NEBL: variants seen among roughly 807,000 people sequenced by gnomAD.
NEBL encodes nebulette, also known as LIM and SH3 protein 2.
In NEBL, 122 loss-of-function variants were observed where a neutral mutation model predicts 140.2. That is an observed-to-expected ratio of 0.87 (90% CI 0.75 to 1.01). The LOEUF (loss-of-function observed/expected upper bound fraction) is 1.01, where lower values mean the gene tolerates loss of function less well. Ranked by LOEUF, NEBL falls within the 50% of genes least tolerant of loss-of-function variation. The pLI is 0.00. For missense variants in NEBL, 1,365 were observed against 1,231.3 expected (o/e 1.11, Z -1.62); for synonymous variants, 436 against 398.9 (o/e 1.09, Z -1.11).
rs553279950 is a variant in NEBL, at chr10:21,112,965, C to T, written c.164+59418G>A. Reference sequence around the variant, plus strand: ...AAGTGTAACTGGAAAGTGATCTGCCCCTGGAAGTGGTAACAAGTTTCCACA... The same window carrying T: ...AAGTGTAACTGGAAAGTGATCTGCCTCTGGAAGTGGTAACAAGTTTCCACA... On this transcript the variant is annotated intron_variant, in intron 2 of 6. Coordinates refer to the NEBL transcript ENST00000417816. 2.3e-3 allele frequency: 772 copies of T among 334,838 alleles called. 7 individuals carry two copies. Among genetic ancestry groups the T allele is most frequent in the Non-Finnish European group, 3.9e-3 (702 of 177,786 alleles). The allele number at this position is 334,838 out of a possible 1,614,324, so 20.7% of individuals were successfully genotyped here.
chr10:20,979,408 T>C (rs1836939081), intron 3 of NEBL, among the ~76,000 whole-genome samples: 1 of 152,180 alleles, frequency 6.6e-6, no homozygotes. Flanking sequence ...AAAGAGAAGA[T>C]GCAAAAGGTG....
chr10:21,204,316 G>A (rs1338849478), intron 3 of NEBL, among the ~76,000 whole-genome samples: 5 of 152,154 alleles, frequency 3.3e-5, no homozygotes, highest in African/African-American at 7.2e-5. Flanking sequence ...CCAGTGTGAC[G>A]GTATTTGGAG....
rs150993774 is a variant in NEBL, at chr10:21,288,295, C to A, written n.182+4535G>T. Among the ~76,000 whole-genome samples the A allele has an allele frequency of 8.2e-3, 1,252 of 151,962 alleles. 21 individuals are homozygous for A. Among genetic ancestry groups the A allele is most frequent in the African/African-American group, 0.029 (1,207 of 41,442 alleles). ...CCAGCCTGGCCAACATAATGAAACC[C>A]TGTCTCTACTAAAACTATGAAAATT... On this transcript the variant is annotated intron_variant and non_coding_transcript_variant, in intron 1 of 8. Transcript: ENST00000675702.
chr10:21,037,650 A>G (rs1834070138), intron 2 of NEBL, among the ~76,000 whole-genome samples: 1 of 152,104 alleles, frequency 6.6e-6, no homozygotes, highest in East Asian at 1.9e-4. Context: ...GTTTGTCAAA[A>G]CTCATAGAAT....
intron 26 of NEBL, among the ~76,000 whole-genome samples, chr10:20,801,174 T>G (rs1837086976): frequency 6.6e-6 from 1 of 151,718 alleles, no homozygotes; most frequent in Admixed American, 6.6e-5. Flanking sequence ...TACTTGGCTA[T>G]CTCTCTCTCT....
At chr10:20,954,720 A>G (rs1357915596) in intron 4 of NEBL, among the ~76,000 whole-genome samples, 1 of 151,994 alleles carries the variant, frequency 6.6e-6, no homozygotes, top group Non-Finnish European at 1.5e-5. Context: ...CCCCACCACC[A>G]CCCCGCCCCC....
chr10:20,823,092 C>T (rs185666403), intron 19 of NEBL, 116 bp downstream of exon 19: 182 of 744,376 alleles, frequency 2.4e-4, no homozygotes, highest in Middle Eastern at 7.9e-4. Flanking sequence ...TTTAAGGAAC[C>T]GATCCTCTCG....
chr10:20,888,495 C>T (rs1943933885), intron 3 of NEBL, among the ~76,000 whole-genome samples: 1 of 152,190 alleles, frequency 6.6e-6, no homozygotes, highest in Admixed American at 6.6e-5. Context: ...TGTATATTGA[C>T]AGTTTCATGC....
intron 3 of NEBL, among the ~76,000 whole-genome samples, chr10:21,202,523 G>C (rs796938508): frequency 2.0e-5 from 3 of 146,672 alleles, no homozygotes; most frequent in African/African-American, 7.7e-5. Flanking sequence ...GAGTGCAGTG[G>C]CGTGATCTCA....
At chr10:21,020,379 C>T (rs1398442098) in intron 2 of NEBL, among the ~76,000 whole-genome samples, 1 of 152,126 alleles carries the variant, frequency 6.6e-6, no homozygotes, top group Non-Finnish European at 1.5e-5. Flanking sequence ...ATTCTCATGG[C>T]TCTGTCGCCC....
At chr10:21,278,782 C>G (rs1474455285) in intron 1 of NEBL, among the ~76,000 whole-genome samples, 1 of 152,162 alleles carries the variant, frequency 6.6e-6, no homozygotes, top group Non-Finnish European at 1.5e-5. Context: ...TCGGTGAGAT[C>G]TGCCCCTGAG....
chr10:21,005,279 A>G (rs770253817), intron 3 of NEBL, among the ~76,000 whole-genome samples: 1 of 152,256 alleles, frequency 6.6e-6, no homozygotes, highest in Non-Finnish European at 1.5e-5. Context: ...CTTTAGAGCA[A>G]TAAGTCACAG....
At chr10:21,095,462 T>A (rs937263821) in intron 2 of NEBL, among the ~76,000 whole-genome samples, 8 of 152,186 alleles carry the variant, frequency 5.3e-5, no homozygotes, top group Admixed American at 3.9e-4. Context: ...AAATGCTGAG[T>A]TAAGGGTGTT....
chr10:21,037,036 C>T (rs1834043122), intron 2 of NEBL, among the ~76,000 whole-genome samples: 1 of 152,182 alleles, frequency 6.6e-6, no homozygotes. Flanking sequence ...GTTGACACCC[C>T]TGGCCACGCA....
intron 3 of NEBL, among the ~76,000 whole-genome samples, chr10:21,226,025 A>C (rs1195818096): frequency 6.6e-6 from 1 of 152,078 alleles, no homozygotes; most frequent in African/African-American, 2.4e-5. Flanking sequence ...TCTGAGTCTC[A>C]CATGAGGTCC....
chr10:21,261,613 C>T (rs1842740163), intron 1 of NEBL, among the ~76,000 whole-genome samples: 1 of 151,072 alleles, frequency 6.6e-6, no homozygotes, highest in South Asian at 2.1e-4. Context: ...CACCATTGCA[C>T]ACCATCCCAG....
Position 21,265,213 on chromosome 10 carries a change from G to A in NEBL, n.183-13385C>T, listed in dbSNP as rs114968523. Among the ~76,000 whole-genome samples the A allele has an allele frequency of 5.7e-3, 872 of 152,122 alleles. 6 individuals are homozygous for A. Among genetic ancestry groups the A allele is most frequent in the African/African-American group, 0.02 (828 of 41,502 alleles). ...GCTGGGATTACAGGTGTGAGCCACC[G>A]CACCTCTTTTATAAGAACACTAATC... On this transcript the variant is annotated intron_variant and non_coding_transcript_variant, in intron 1 of 8. Coordinates refer to the NEBL transcript ENST00000675702.
At chr10:21,024,488 A>G (rs1282274438) in intron 2 of NEBL, among the ~76,000 whole-genome samples, 3 of 151,422 alleles carry the variant, frequency 2.0e-5, no homozygotes, top group Non-Finnish European at 4.4e-5. Context: ...AGCTAGCAAA[A>G]TGCAAGAGAA....
chr10:20,922,411 A>G (rs1025187044), intron 4 of NEBL, among the ~76,000 whole-genome samples: 17 of 152,210 alleles, frequency 1.1e-4, no homozygotes, highest in African/African-American at 3.9e-4. Flanking sequence ...TGATACTCCA[A>G]TAAATTCATA....
Sources: gnomAD v4.1 joint callset for allele counts (sites outside exome capture counted in the v4.1 genomes callset) on GRCh38, gnomAD v4.1.1 for gene constraint, MANE v1.5 for transcripts, NCBI Gene and HGNC (gene_info 2026-07-23, HGNC 2026-07-21) for gene names.